SPMIP2: variants seen among roughly 807,000 people sequenced by gnomAD.
The protein encoded by SPMIP2 is sperm microtubule inner protein 2, also known as protein SPMIP2.
chr4:158,956,885 T>C, the SPMIP2 span, among the ~76,000 whole-genome samples: 2 of 152,176 alleles, frequency 1.3e-5, no homozygotes, highest in Non-Finnish European at 1.5e-5. Flanking sequence ...AAACTCAAGA[T>C]GGGCCTGTAA....
At chr4:158,992,756 A>G in the SPMIP2 span, among the ~76,000 whole-genome samples, 1 of 152,206 alleles carries the variant, frequency 6.6e-6, no homozygotes, top group Admixed American at 6.5e-5. Flanking sequence ...CCAGGTCCCA[A>G]CAGGGCAGCA....
chr4:159,060,850 C>T, the SPMIP2 span, among the ~76,000 whole-genome samples: 5 of 151,872 alleles, frequency 3.3e-5, no homozygotes, highest in Admixed American at 6.6e-5. Context: ...TTTGGGAGGC[C>T]GAGGCAGGCA....
the SPMIP2 span, among the ~76,000 whole-genome samples, chr4:159,009,615 A>G: frequency 1.5e-3 from 227 of 152,262 alleles, no homozygotes; most frequent in African/African-American, 4.9e-3. Flanking sequence ...TGGAAAGGTA[A>G]TCTTATCTTC....
At chr4:158,909,914 C>T in the SPMIP2 span, among the ~76,000 whole-genome samples, 23 of 152,068 alleles carry the variant, frequency 1.5e-4, no homozygotes, top group East Asian at 1.9e-4. Context: ...TGGTGGCACG[C>T]GCCTGTAGTC....
the SPMIP2 span, among the ~76,000 whole-genome samples, chr4:159,082,467 G>GTGTA: frequency 0.26 from 39,325 of 149,232 alleles, 5,381 homozygotes; most frequent in Non-Finnish European, 0.31. Context: ...GTGTGTGTGT[G>GTGTA]TGTGTGTGTG....
At chr4:159,010,470 T>A in the SPMIP2 span, among the ~76,000 whole-genome samples, 2 of 152,340 alleles carry the variant, frequency 1.3e-5, no homozygotes, top group Middle Eastern at 6.8e-3. Context: ...AATCCCCGTC[T>A]CATTGAAATA....
At chr4:158,959,102 T>C in the SPMIP2 span, among the ~76,000 whole-genome samples, 6 of 152,224 alleles carry the variant, frequency 3.9e-5, no homozygotes, top group African/African-American at 1.4e-4. Context: ...GAAATGAATA[T>C]AGCCAACATT....
the SPMIP2 span, among the ~76,000 whole-genome samples, chr4:159,068,668 T>A: frequency 1.4e-5 from 2 of 143,744 alleles, no homozygotes; most frequent in African/African-American, 5.2e-5. Flanking sequence ...AATTAAAAAA[T>A]AAATAAATAA....
At chr4:158,952,150 A>T in the SPMIP2 span, among the ~76,000 whole-genome samples, 1 of 152,192 alleles carries the variant, frequency 6.6e-6, no homozygotes, top group African/African-American at 2.4e-5. Context: ...CTGTGAAAGG[A>T]AGTAAAATTT....
chr4:159,026,400 G>C, the SPMIP2 span: 1 of 962,688 alleles, frequency 1.0e-6, no homozygotes, highest in South Asian at 1.3e-5. Context: ...ATGGATCATT[G>C]GTTCAGCATC....
the SPMIP2 span, among the ~76,000 whole-genome samples, chr4:158,961,273 C>T: frequency 1.3e-5 from 2 of 152,026 alleles, no homozygotes; most frequent in Non-Finnish European, 2.9e-5. Context: ...TCTTCCTTTT[C>T]CCTGAAGCTT....
the SPMIP2 span, among the ~76,000 whole-genome samples, chr4:158,966,833 A>T: frequency 1.3e-4 from 20 of 152,124 alleles, no homozygotes; most frequent in African/African-American, 4.8e-4. Context: ...TCACATCCTA[A>T]CAAATGATGT....
chr4:159,026,464 T>A, the SPMIP2 span: 2,854 of 811,512 alleles, frequency 3.5e-3, 14 homozygotes, highest in Middle Eastern at 0.028. Context: ...AGATGGGAAA[T>A]TCATGGTAGA....
At chr4:158,947,245 G>A in the SPMIP2 span, among the ~76,000 whole-genome samples, 1 of 152,012 alleles carries the variant, frequency 6.6e-6, no homozygotes, top group Non-Finnish European at 1.5e-5. Flanking sequence ...CAGATTTATG[G>A]ATGTTTTGAG....
the SPMIP2 span, among the ~76,000 whole-genome samples, chr4:159,041,707 T>C: frequency 1.3e-5 from 2 of 152,254 alleles, no homozygotes; most frequent in Non-Finnish European, 1.5e-5. Flanking sequence ...TTTAGTGTTT[T>C]ATGTGGTCTT....
the SPMIP2 span, among the ~76,000 whole-genome samples, chr4:158,959,692 G>T: frequency 6.6e-6 from 1 of 152,128 alleles, no homozygotes; most frequent in Admixed American, 6.5e-5. Flanking sequence ...AATGCTGATT[G>T]ATCTTTTCCC....
chr4:159,048,421 C>T, the SPMIP2 span, among the ~76,000 whole-genome samples: 1 of 152,170 alleles, frequency 6.6e-6, no homozygotes, highest in Non-Finnish European at 1.5e-5. Context: ...GGAAAATGTT[C>T]TAAAGAAGTT....
chr4:159,081,204 A>AT, the SPMIP2 span, among the ~76,000 whole-genome samples: 1 of 151,510 alleles, frequency 6.6e-6, no homozygotes, highest in Non-Finnish European at 1.5e-5. Flanking sequence ...CACCTGGCTA[A>AT]TTTTTTGTAT....
chr4:158,958,382 G>A, the SPMIP2 span, among the ~76,000 whole-genome samples: 10 of 152,026 alleles, frequency 6.6e-5, no homozygotes, highest in Admixed American at 5.2e-4. Flanking sequence ...CTCCTGCCTT[G>A]CTGGGCCTCC....
Sources: gnomAD v4.1 joint callset for allele counts (sites outside exome capture counted in the v4.1 genomes callset) on GRCh38, gnomAD v4.1.1 for gene constraint, MANE v1.5 for transcripts, NCBI Gene and HGNC (gene_info 2026-07-23, HGNC 2026-07-21) for gene names.